HSPG2: variants seen among roughly 807,000 people sequenced by gnomAD.
The protein encoded by HSPG2 is basement membrane-specific heparan sulfate proteoglycan core protein.
A neutral mutation model predicts 526.6 loss-of-function variants in HSPG2; 278 were observed. The ratio of observed to expected loss-of-function variants is 0.53; its 90% CI spans 0.48 to 0.58. HSPG2 has a LOEUF of 0.58. HSPG2 is among the 20% of genes least tolerant of loss of function. The probability of loss-of-function intolerance (pLI) is 0.00; values close to 1 mark genes in which losing one functional copy is unlikely to be tolerated. For synonymous variants in HSPG2, 2,465 were observed against 2,555.4 expected (o/e 0.96, Z 1.07); for missense variants, 5,354 against 6,099.5 (o/e 0.88, Z 4.07).
intron 1 of HSPG2, among the ~76,000 whole-genome samples, 155 bp downstream of exon 1, chr1:21,937,000 G>T (rs1267166491): frequency 6.6e-6 from 1 of 151,780 alleles, no homozygotes; most frequent in African/African-American, 2.4e-5. Context: ...GGTGGCGCCG[G>T]CCCGGGGTCC....
intron 91 of HSPG2, among the ~76,000 whole-genome samples, chr1:21,825,421 A>C (rs2097968716): frequency 6.6e-6 from 1 of 152,198 alleles, no homozygotes; most frequent in Non-Finnish European, 1.5e-5. Flanking sequence ...ACCGTTGGTC[A>C]CCTTGGACTG....
chr1:21,918,806 C>T (rs1312688054), intron 1 of HSPG2, among the ~76,000 whole-genome samples: 2 of 152,184 alleles, frequency 1.3e-5, no homozygotes. Flanking sequence ...GAGGATACTT[C>T]CCCAGGGCTG....
Position 21,890,594 on chromosome 1 carries a change from C to T in HSPG2, c.345G>A (p.Val115=). 1 of 1,612,942 alleles carries T rather than the reference C, an allele frequency of 6.2e-7. No homozygotes were observed. Among genetic ancestry groups the T allele is most frequent in the Non-Finnish European group, 8.5e-7 (1 of 1,178,860 alleles). Residue 115 remains valine, a synonymous_variant, in exon 4 of 97, where the codon GTG becomes GTA. Coordinates refer to ENST00000374695, the MANE Select transcript of HSPG2 (RefSeq NM_005529.7). The surrounding 1 kb of genome is among the most constrained non-coding windows in gnomAD (Gnocchi z 4.1). ...SREFREVSEA[V]VDTLESEYLK... ...ACCCCCTTCACCTCACCGTGTCTAC[C>T]ACAGCCTCGGACACCTCTCGGAACT... is the stretch of plus-strand genomic sequence containing the variant.
chr1:21,881,636 C>T, intron 13 of HSPG2, 134 bp from the exon 14 acceptor site: 1 of 869,162 alleles, frequency 1.2e-6, no homozygotes, highest in Admixed American at 2.4e-5. Flanking sequence ...GATCTCTCTT[C>T]CAAAGTGAAG....
At chr1:21,886,485 G>A (rs1200512478) in intron 9 of HSPG2, among the ~76,000 whole-genome samples, 2 of 152,164 alleles carry the variant, frequency 1.3e-5, no homozygotes, top group Non-Finnish European at 2.9e-5. Context: ...GGACCACAGA[G>A]AAGAGCCTGA....
In HSPG2 at chr1:21,877,235, G is replaced by T. The variant is rs80138874; in HGVS notation, c.2686-583C>A. 2.5e-3 allele frequency among the ~76,000 whole-genome samples: 388 copies of T among 152,206 alleles called. 4 individuals are homozygous for T. The highest frequency in any genetic ancestry group is 9.0e-3 in the African/African-American group (374 of 41,522). On this transcript the variant is annotated intron_variant, in intron 21 of 96. Transcript: ENST00000374695. ...AGACTTGAAATACAGCGACTTGATT[G>T]AAATAATTGCTGCTTCTATTTATGG...
At chr1:21,823,871 C>G (rs897637678) in intron 95 of HSPG2, 152 bp from the exon 96 acceptor site, 1 of 755,842 alleles carries the variant, frequency 1.3e-6, no homozygotes, top group East Asian at 2.7e-5. Flanking sequence ...AACGAGAGAT[C>G]GGGCCCCACA....
chr1:21,851,482 A>C, intron 55 of HSPG2, 64 bp downstream of exon 55: 1 of 1,610,440 alleles, frequency 6.2e-7, no homozygotes, highest in Non-Finnish European at 8.5e-7. Context: ...GCCCTCCCCC[A>C]ATAACCTCCG....
chr1:21,900,834 G>A (rs560975800), intron 1 of HSPG2, among the ~76,000 whole-genome samples: 2 of 152,138 alleles, frequency 1.3e-5, no homozygotes, highest in South Asian at 4.2e-4. Flanking sequence ...GCAGTGAACC[G>A]AGATTGCACC....
chr1:21,852,647 C>T, intron 52 of HSPG2, 53 bp downstream of exon 52: 1 of 1,609,836 alleles, frequency 6.2e-7, no homozygotes, highest in South Asian at 1.1e-5. Flanking sequence ...ATCTCACCAC[C>T]CCGGAGGCCT....
intron 1 of HSPG2, among the ~76,000 whole-genome samples, chr1:21,931,375 C>T (rs1247408880): frequency 6.6e-6 from 1 of 152,240 alleles, no homozygotes; most frequent in Non-Finnish European, 1.5e-5. Context: ...GAGGGGGTGG[C>T]AGGGCCAAAG....
In HSPG2 at chr1:21,848,040, C is replaced by A; in HGVS notation, c.7791G>T (p.Glu2597Asp). ...CACCGTTACTGACGTGACACACGTACTCGCCCGAGTCTGCCGGAGTCACCT... is the reference window on the plus strand; with the variant it reads ...CACCGTTACTGACGTGACACACGTAATCGCCCGAGTCTGCCGGAGTCACCT... ...IPQVTPADSG[E>D]YVCHVSNGAG... The change falls in exon 60 of 97, where the codon GAG (glutamate) becomes GAT (aspartate). Residue 2597 changes from glutamate to aspartate, a missense_variant. Glu to Asp is a conservative substitution (Grantham distance 45). Coordinates refer to ENST00000374695, the MANE Select transcript of HSPG2 (RefSeq NM_005529.7). The surrounding 1 kb of genome is among the most constrained non-coding windows in gnomAD (Gnocchi z 4.9). 6.2e-7 allele frequency: 1 copy of A among 1,613,440 alleles called. No homozygotes were observed.
intron 87 of HSPG2, 122 bp downstream of exon 87, chr1:21,829,261 C>T: frequency 7.3e-7 from 1 of 1,365,542 alleles, no homozygotes; most frequent in Admixed American, 1.9e-5. Context: ...ACGAAATGCA[C>T]AGGAAGAGGG....
intron 42 of HSPG2, among the ~76,000 whole-genome samples, chr1:21,857,785 C>T (rs1639458201): frequency 6.6e-6 from 1 of 152,164 alleles, no homozygotes; most frequent in Non-Finnish European, 1.5e-5. Context: ...ACTTTCTTAG[C>T]TAGTGGCGCT....
Position 21,843,411 on chromosome 1 carries a change from G to T in HSPG2, c.8644C>A (p.Gln2882Lys). Residue 2882 changes from glutamine (Q) to lysine (K), a missense_variant, in exon 66 of 97, where the codon CAG becomes AAG. Coordinates refer to ENST00000374695, the MANE Select transcript of HSPG2 (RefSeq NM_005529.7). ...TCGCCAGAGTCAGCCGGGGACACCT[G>T]GTTCAGCCTCAGCAGTGGGCCGTGG... is the stretch of plus-strand genomic sequence containing the variant. The part of the protein sequence containing the change: ...QVHGPLLRLN[Q>K]VSPADSGEYS... 1.9e-6 allele frequency: 3 copies of T among 1,613,702 alleles called. No individual in the cohort carries two copies. Among genetic ancestry groups the T allele is most frequent in the Non-Finnish European group, 2.5e-6 (3 of 1,179,824 alleles).
In HSPG2 at chr1:21,847,369, C is replaced by T. The variant is rs145524347; in HGVS notation, c.8149G>A (p.Ala2717Thr). The T allele has an allele frequency of 3.7e-5, 59 of 1,613,846 alleles. No individual in the cohort carries two copies. The African/African-American group carries it at 5.2e-4, about 14-fold the overall frequency. The change falls in exon 62 of 97, where the codon GCC (alanine) becomes ACC (threonine). Residue 2717 changes from alanine (A) to threonine (T), a missense_variant. Coordinates refer to ENST00000374695, the MANE Select transcript of HSPG2 (RefSeq NM_005529.7). The surrounding 1 kb of genome is among the most constrained non-coding windows in gnomAD (Gnocchi z 4.1). ...ASIVISVSPS[A>T]GSPSAPGSSM... ...GCAGACTCACCGGAGGGGCTGCCGG[C>T]GCTAGGGGAGACGGAGATGACGATG... is the stretch of plus-strand genomic sequence containing the variant.
In HSPG2 at chr1:21,884,767, C is replaced by T. The variant is rs779438761; in HGVS notation, c.1507G>A (p.Gly503Ser). The stretch of plus-strand genomic sequence containing the variant: ...GGTGACACCTGCCCTCCGGCAGTAC[C>T]TCGTTGTGGGACGAGCTCAAGGACA... ...DGVLELVPQRGPCPDGHFYLE... is the reference protein window; with the variant it reads ...DGVLELVPQRSPCPDGHFYLE... Residue 503 changes from glycine (G) to serine (S), a missense_variant and splice_region_variant, in exon 12 of 97, where the codon GGC becomes AGC. Coordinates refer to ENST00000374695, the MANE Select transcript of HSPG2 (RefSeq NM_005529.7). 1 of 1,613,430 alleles carries T rather than the reference C, an allele frequency of 6.2e-7. No individual in the cohort carries two copies. Among genetic ancestry groups the T allele is most frequent in the Non-Finnish European group, 8.5e-7 (1 of 1,179,968 alleles).
At position 21,824,941 on chromosome 1, in the gene HSPG2, C is replaced by A. The variant is rs2097965873; in HGVS notation, c.12590-162G>T. 1.4e-6 allele frequency: 1 copy of A among 695,104 alleles called. No homozygotes were observed. The highest frequency in any genetic ancestry group is 2.6e-6 in the Non-Finnish European group (1 of 379,942). The allele number at this position is 695,104 out of a possible 1,614,324, so 43.1% of individuals were successfully genotyped here. ...GGGCTGCCAACAGAATTCAGGGAGC[C>A]TATGACCTTGGATGGGAAAGCATTA... is the stretch of plus-strand genomic sequence containing the variant. On this transcript the variant is annotated intron_variant, in intron 91 of 96. Coordinates refer to ENST00000374695, the MANE Select transcript of HSPG2 (RefSeq NM_005529.7). The surrounding 1 kb of genome is among the most constrained non-coding windows in gnomAD (Gnocchi z 5.9).
rs754919077 is a variant in HSPG2 at position 21,823,671 on chromosome 1, G to T, written c.12948C>A (p.Ser4316Arg). ...SIQVDGEELV[S>R]GRSPGPNVAV... ...CCACGTTGGGACCTGGGGACCGGCC[G>T]CTGACCAGCTCCTCACCGTCGACTT... The change falls in exon 96 of 97, where the codon AGC becomes AGA. Residue 4316 changes from serine to arginine, a missense_variant. Physicochemically the swap from Ser to Arg is moderately radical, Grantham distance 110. Transcript: ENST00000374695. 1 of 1,613,578 alleles carries T rather than the reference G, an allele frequency of 6.2e-7. No individual in the cohort carries two copies. Among genetic ancestry groups the T allele is most frequent in the African/African-American group, 1.3e-5 (1 of 74,906 alleles).
Sources: gnomAD v4.1 joint callset for allele counts (sites outside exome capture counted in the v4.1 genomes callset) on GRCh38, gnomAD v4.1.1 for gene constraint, Gnocchi (gnomAD v3.1) non-coding constraint, MANE v1.5 for transcripts, NCBI Gene and HGNC (gene_info 2026-07-23, HGNC 2026-07-21) for gene names.